NCOA2: variants seen among roughly 807,000 people sequenced by gnomAD.
NCOA2 encodes the protein nuclear receptor coactivator 2, also known as class E basic helix-loop-helix protein 75.
NCOA2 carries 21 observed loss-of-function variants against 145.1 expected under a neutral mutation model. The observed-to-expected ratio is 0.14, with a 90% CI of 0.10 to 0.21. The LOEUF (loss-of-function observed/expected upper bound fraction) is 0.21, where lower values mean the gene tolerates loss of function less well. NCOA2 is among the 10% of genes least tolerant of loss of function. NCOA2 has a pLI of 1.00. For missense variants in NCOA2, 1,472 were observed against 1,837.6 expected (o/e 0.80, Z 3.64); for synonymous variants, 619 against 637.5 (o/e 0.97, Z 0.44).
At chr8:70,363,736 G>A (rs1158411806) in intron 1 of NCOA2, among the ~76,000 whole-genome samples, 4 of 152,186 alleles carry the variant, frequency 2.6e-5, no homozygotes, top group Non-Finnish European at 4.4e-5. Context: ...CAGGAACTGA[G>A]GGTAGGGTTG....
At chr8:70,401,605 G>A (rs1814256665) in intron 1 of NCOA2, among the ~76,000 whole-genome samples, 1 of 151,934 alleles carries the variant, frequency 6.6e-6, no homozygotes, top group South Asian at 2.1e-4. Flanking sequence ...TTGGGAACTG[G>A]AGCTCTAATT....
intron 13 of NCOA2, among the ~76,000 whole-genome samples, chr8:70,144,111 A>C (rs1314519023): frequency 6.6e-6 from 1 of 152,214 alleles, no homozygotes. Context: ...ATCACAGGCA[A>C]CTTCCTACAT....
intron 1 of NCOA2, among the ~76,000 whole-genome samples, chr8:70,308,915 A>T (rs576443491): frequency 7.2e-5 from 11 of 152,308 alleles, no homozygotes; most frequent in African/African-American, 2.6e-4. Flanking sequence ...TGAGAACTGA[A>T]GTGTAACCGC....
At chr8:70,246,529 CAT>C (rs1586238388) in intron 2 of NCOA2, among the ~76,000 whole-genome samples, 2 of 152,086 alleles carry the variant, frequency 1.3e-5, no homozygotes, top group African/African-American at 2.4e-5. Context: ...AAATGCAAAA[CAT>C]ATTTTTAATA....
the NCOA2 span, among the ~76,000 whole-genome samples, chr8:70,435,424 C>CAAAAAAAAAAAAAAAAAA: frequency 1.5e-4 from 3 of 20,154 alleles, 1 homozygote; most frequent in African/African-American, 2.2e-4. Context: ...GACTCCGTCT[C>CAAAAAAAAAAAAAAAAAA]AAAAAAAAAA....
chr8:70,385,633 G>C (rs1377311344), intron 1 of NCOA2, among the ~76,000 whole-genome samples: 1 of 152,054 alleles, frequency 6.6e-6, no homozygotes, highest in African/African-American at 2.4e-5. Flanking sequence ...TCACTATGTT[G>C]GGCAGGCTGG....
At position 70,117,765 on chromosome 8, in the gene NCOA2, A is replaced by C. The variant is rs16936723; in HGVS notation, c.4383+3537T>G. Among the ~76,000 whole-genome samples, 586 of 152,356 alleles carry C rather than the reference A, an allele frequency of 3.8e-3. 9 individuals are homozygous for C. Among genetic ancestry groups the C allele is most frequent in the African/African-American group, 0.014 (563 of 41,590 alleles). ...ACCTTGATCGAGTCATTAAACTCTC[A>C]AAACAGTAGCTCTACCAGACAGTTG... On this transcript the variant is annotated intron_variant, in intron 22 of 22. Transcript: ENST00000452400.
At chr8:70,442,783 C>T in the NCOA2 span, among the ~76,000 whole-genome samples, 1 of 152,188 alleles carries the variant, frequency 6.6e-6, no homozygotes, top group African/African-American at 2.4e-5. Context: ...CCCCAGGTCG[C>T]TTCTGCTGGA....
At chr8:70,184,865 G>C (rs561479626) in intron 4 of NCOA2, among the ~76,000 whole-genome samples, 2 of 152,118 alleles carry the variant, frequency 1.3e-5, no homozygotes, top group African/African-American at 4.8e-5. Context: ...TCAAGGCTTC[G>C]AAAGGACTGA....
At chr8:70,138,182 C>T in intron 15 of NCOA2, 21 bp downstream of exon 15, 1 of 1,599,590 alleles carries the variant, frequency 6.3e-7, no homozygotes, top group Non-Finnish European at 8.5e-7. Flanking sequence ...TAACTGGCTA[C>T]CCTAGGTGCT....
intron 1 of NCOA2, among the ~76,000 whole-genome samples, chr8:70,373,862 T>C (rs1488809499): frequency 6.6e-6 from 1 of 152,222 alleles, no homozygotes; most frequent in East Asian, 1.9e-4. Context: ...CATTGATCTA[T>C]ATGTTTATTA....
the NCOA2 span, among the ~76,000 whole-genome samples, chr8:70,414,445 C>T: frequency 6.6e-6 from 1 of 152,130 alleles, no homozygotes; most frequent in Admixed American, 6.5e-5. Flanking sequence ...TCCTCTGGAT[C>T]CCTTGTTGCC....
At chr8:70,235,988 T>C (rs1444546912) in intron 2 of NCOA2, among the ~76,000 whole-genome samples, 1 of 152,132 alleles carries the variant, frequency 6.6e-6, no homozygotes, top group Non-Finnish European at 1.5e-5. Context: ...CTCTCAAAGC[T>C]TTCACCTTAA....
intron 4 of NCOA2, among the ~76,000 whole-genome samples, chr8:70,192,630 C>A (rs1358735003): frequency 6.6e-6 from 1 of 152,238 alleles, no homozygotes. Context: ...ATGCTCCAGG[C>A]TTCTCTGGAA....
At chr8:70,225,922 C>T (rs992078630) in intron 2 of NCOA2, among the ~76,000 whole-genome samples, 1 of 152,084 alleles carries the variant, frequency 6.6e-6, no homozygotes, top group Non-Finnish European at 1.5e-5. Flanking sequence ...AGCAATAATA[C>T]ATACCTTTAT....
intron 4 of NCOA2, among the ~76,000 whole-genome samples, chr8:70,208,484 A>G (rs868218695): frequency 6.6e-6 from 1 of 152,244 alleles, no homozygotes; most frequent in East Asian, 1.9e-4. Context: ...TAGATTTTCA[A>G]TGTAGACAAA....
chr8:70,231,859 G>A (rs1339471669), intron 2 of NCOA2, among the ~76,000 whole-genome samples: 1 of 152,020 alleles, frequency 6.6e-6, no homozygotes, highest in Non-Finnish European at 1.5e-5. Flanking sequence ...ATCTTCCTAA[G>A]TTCACCAACA....
At chr8:70,256,058 C>G (rs1823610245) in intron 2 of NCOA2, among the ~76,000 whole-genome samples, 1 of 152,084 alleles carries the variant, frequency 6.6e-6, no homozygotes, top group Non-Finnish European at 1.5e-5. Context: ...AACCTTTTAC[C>G]CTTGACAGAA....
chr8:70,217,718 C>T (rs552266373), intron 2 of NCOA2, among the ~76,000 whole-genome samples: 28 of 152,158 alleles, frequency 1.8e-4, no homozygotes, highest in African/African-American at 6.0e-4. Flanking sequence ...CAGAGGTTTA[C>T]GTACTGAAAG....
Sources: allele counts gnomAD v4.1 joint callset (sites outside exome capture counted in the v4.1 genomes callset), GRCh38; gene constraint gnomAD v4.1.1; transcripts MANE v1.5; gene names NCBI Gene and HGNC (gene_info 2026-07-23, HGNC 2026-07-21).